The following NSDHL variants were observed in gnomAD, a reference collection of about 807,000 sequenced individuals.
NSDHL encodes NAD(P) dependent 3-beta-hydroxysteroid dehydrogenase NSDHL, also known as sterol-4-alpha-carboxylate 3-dehydrogenase, decarboxylating.
NSDHL carries 1 observed loss-of-function variant against 23.0 expected under a neutral mutation model. That is an observed-to-expected ratio of 0.04 (90% CI 0.02 to 0.21). The LOEUF (loss-of-function observed/expected upper bound fraction) is 0.21. NSDHL is among the 10% of genes least tolerant of loss of function. NSDHL has a pLI of 1.00. For missense variants in NSDHL, 237 were observed against 300.9 expected, an observed-to-expected ratio of 0.79 and a Z score of 1.57; for synonymous variants, 128 against 121.1, an observed-to-expected ratio of 1.06 and a Z score of -0.37.
chrX:152,864,136 C>G (rs1182242304), intron 5 of NSDHL, among the ~76,000 whole-genome samples: 1 of 111,844 alleles, frequency 8.9e-6, no homozygotes, highest in Non-Finnish European at 1.9e-5. Context: ...GTCTCGAACT[C>G]CTGACCTCAT....
At chrX:152,853,721 C>A (rs1556846601) in intron 3 of NSDHL, among the ~76,000 whole-genome samples, 2 of 112,326 alleles carry the variant, frequency 1.8e-5, no homozygotes, top group Non-Finnish European at 3.8e-5. Context: ...AACCAAGTTT[C>A]TGCCTCAGGA....
In NSDHL at chrX:152,865,622, G is replaced by T. The variant is rs148372725; in HGVS notation, c.544-197G>T. On this transcript the variant is annotated intron_variant, in intron 5 of 7. Transcript: ENST00000370274. ...TTTTGGTGTGAGGGTGGGTGGGGTA[G>T]AGAGGTAGCCCAGAATTATACCAGC... is the stretch of plus-strand genomic sequence containing the variant. Among the ~76,000 whole-genome samples the T allele has an allele frequency of 0.021, 2,375 of 112,734 alleles. 53 individuals carry two copies. The highest frequency in any genetic ancestry group is 0.072 in the African/African-American group (2,232 of 31,025).
In NSDHL at chrX:152,867,691, G is replaced by A. The variant is rs371959653; in HGVS notation, c.789+18G>A. On this transcript the variant is annotated intron_variant, in intron 7 of 7. Coordinates refer to ENST00000370274, the MANE Select transcript of NSDHL (RefSeq NM_015922.3). Reference sequence around the variant, plus strand: ...GTGGGAAGGTAAGGCCTGCTGCACCGGTCCCTGCACAGGTGCCTTTCTGCG... The same window carrying A: ...GTGGGAAGGTAAGGCCTGCTGCACCAGTCCCTGCACAGGTGCCTTTCTGCG... 52 of 1,091,438 alleles carry A rather than the reference G, an allele frequency of 4.8e-5. No homozygotes were observed. The African/African-American group carries it at 4.9e-4, about 10-fold the overall frequency. 89.9% of individuals were successfully genotyped at this position (1,091,438 alleles called of 1,213,427 possible). A position where few individuals can be genotyped will look rare whatever the true frequency, so the allele number is the denominator to read the frequency against.
chrX:152,839,668 G>T (rs1933159365), intron 1 of NSDHL, among the ~76,000 whole-genome samples: 1 of 112,835 alleles, frequency 8.9e-6, no homozygotes. Flanking sequence ...CGAGGGATCT[G>T]CTGTTAGTCT....
In NSDHL at chrX:152,846,443, A is replaced by C; in HGVS notation, c.108+11A>C. 3.7e-6 allele frequency: 4 copies of C among 1,079,507 alleles called. No homozygotes were observed. Among genetic ancestry groups the C allele is most frequent in the Non-Finnish European group, 5.2e-6 (4 of 774,560 alleles). The allele number at this position is 1,079,507 out of a possible 1,213,427, so 89.0% of individuals were successfully genotyped here. On this transcript the variant is annotated intron_variant, in intron 2 of 7. Transcript: ENST00000370274. The stretch of plus-strand genomic sequence containing the variant: ...GTTAACCAGAATCAGGTAAGGAGAA[A>C]GTTGACACGTACATACCAACAGGCT...
chrX:152,864,802 C>T (rs1933581686), intron 5 of NSDHL, among the ~76,000 whole-genome samples: 1 of 111,728 alleles, frequency 9.0e-6, no homozygotes, highest in Non-Finnish European at 1.9e-5. Flanking sequence ...AGAGTCCTGG[C>T]GGGAAGAGGA....
intron 2 of NSDHL, among the ~76,000 whole-genome samples, chrX:152,847,720 G>A (rs1414508039): frequency 9.0e-6 from 1 of 111,628 alleles, no homozygotes; most frequent in Admixed American, 9.5e-5. Flanking sequence ...CTTACTATAC[G>A]TTCTGCATAA....
At chrX:152,845,147 T>A (rs1293411302) in intron 1 of NSDHL, among the ~76,000 whole-genome samples, 1 of 111,789 alleles carries the variant, frequency 8.9e-6, no homozygotes, top group African/African-American at 3.3e-5. Flanking sequence ...ACATTGAGGG[T>A]CCTGCATCCA....
intron 3 of NSDHL, among the ~76,000 whole-genome samples, chrX:152,851,749 A>G (rs1182397464): frequency 9.1e-6 from 1 of 110,404 alleles, no homozygotes; most frequent in Non-Finnish European, 1.9e-5. Flanking sequence ...GTGGCCACCC[A>G]CAGCCGCCTG....
chrX:152,840,172 C>G (rs1412507860), intron 1 of NSDHL, among the ~76,000 whole-genome samples: 2 of 112,345 alleles, frequency 1.8e-5, no homozygotes, highest in Non-Finnish European at 3.8e-5. Context: ...AAGGTCTTCT[C>G]TACACTGTTT....
chrX:152,864,214 G>A (rs1467828595), intron 5 of NSDHL, among the ~76,000 whole-genome samples: 2 of 112,453 alleles, frequency 1.8e-5, no homozygotes, highest in African/African-American at 6.4e-5. Flanking sequence ...CAGCCTGTCT[G>A]CTGTTGCTTC....
At chrX:152,840,212 T>C (rs782316008) in intron 1 of NSDHL, among the ~76,000 whole-genome samples, 1 of 112,350 alleles carries the variant, frequency 8.9e-6, no homozygotes, top group African/African-American at 3.2e-5. Flanking sequence ...CTAACCTTTT[T>C]TCAAGGTTTT....
At chrX:152,861,739 A>G (rs188293803) in intron 4 of NSDHL, among the ~76,000 whole-genome samples, 83 of 112,660 alleles carry the variant, frequency 7.4e-4, no homozygotes, top group African/African-American at 2.4e-3. Context: ...ATTTATTTGT[A>G]TGTACTTCGT....
chrX:152,831,243 G>T, intron 1 of NSDHL, 126 bp downstream of exon 1: 1 of 296,290 alleles, frequency 3.4e-6, no homozygotes, highest in South Asian at 2.0e-4. Flanking sequence ...TGAGTTTAGG[G>T]ACCGAGTGCA....
At chrX:152,862,048 G>A (rs1457772278) in intron 4 of NSDHL, among the ~76,000 whole-genome samples, 10 of 112,668 alleles carry the variant, frequency 8.9e-5, no homozygotes, top group Middle Eastern at 4.6e-3. Flanking sequence ...TTCAGTGTTG[G>A]ATGAGCTTCT....
intron 3 of NSDHL, among the ~76,000 whole-genome samples, chrX:152,852,709 C>T (rs1229979117): frequency 3.6e-5 from 4 of 111,173 alleles, no homozygotes; most frequent in African/African-American, 9.8e-5. Context: ...CCCACATCCA[C>T]GTCTCTACTC....
intron 1 of NSDHL, among the ~76,000 whole-genome samples, chrX:152,833,054 C>G (rs1328381464): frequency 3.6e-5 from 4 of 111,311 alleles, no homozygotes; most frequent in African/African-American, 1.3e-4. Flanking sequence ...TCCACTTTCA[C>G]TCAGTGAATA....
rs781988244 is a variant in NSDHL, at chrX:152,831,453, A to G, written c.-44+336A>G. Among the ~76,000 whole-genome samples the G allele has an allele frequency of 2.7e-5, 3 of 110,663 alleles. No individual in the cohort carries two copies. The East Asian group carries it at 8.6e-4, about 32-fold the overall frequency. On this transcript the variant is annotated intron_variant, in intron 1 of 7. Coordinates refer to ENST00000370274, the MANE Select transcript of NSDHL (RefSeq NM_015922.3). ...CACCCCTAGACTGACCCAGATGTAT[A>G]GGCCCCAGACCAGGTTCCAAGAGAG...
At chrX:152,842,818 A>G (rs1420135088) in intron 1 of NSDHL, among the ~76,000 whole-genome samples, 10 of 112,379 alleles carry the variant, frequency 8.9e-5, no homozygotes, top group African/African-American at 3.2e-4. Context: ...ACATCTTTTC[A>G]TGTGCTTTTT....
Sources: gnomAD v4.1 joint callset for allele counts (sites outside exome capture counted in the v4.1 genomes callset) on GRCh38, gnomAD v4.1.1 for gene constraint, MANE v1.5 for transcripts, NCBI Gene and HGNC (gene_info 2026-07-23, HGNC 2026-07-21) for gene names.